PER2: variants seen among roughly 807,000 people sequenced by gnomAD.
PER2 encodes the protein period circadian protein homolog 2.
Under a neutral mutation model 121.0 loss-of-function variants are expected in PER2, and 66 were observed. The ratio of observed to expected loss-of-function variants is 0.55; its 90% confidence interval spans 0.45 to 0.67. The LOEUF (loss-of-function observed/expected upper bound fraction) is 0.67, where lower values mean the gene tolerates loss of function less well. PER2 is among the 30% of genes least tolerant of loss of function. The probability of loss-of-function intolerance (pLI) is 0.00; values close to 1 mark genes in which losing one functional copy is unlikely to be tolerated. For synonymous variants in PER2, 684 were observed against 659.9 expected (o/e 1.04, Z -0.56); for missense variants, 1,521 against 1,635.0 (o/e 0.93, Z 1.20).
In PER2 at chr2:238,253,885, A is replaced by T. The variant is rs1238737914; in HGVS notation, c.2321-183T>A. 6.6e-6 allele frequency among the ~76,000 whole-genome samples: 1 copy of T among 152,216 alleles called. No homozygotes were observed. The highest frequency in any genetic ancestry group is 2.4e-5 in the African/African-American group (1 of 41,444). ...GCAAAACATCAGGTTTTTCCATAAA[A>T]CTAAATTGAATCAACTTAAATTACA... is the stretch of plus-strand genomic sequence containing the variant. On this transcript the variant is annotated intron_variant, in intron 18 of 22. Transcript: ENST00000254657. This position sits in a 1 kb window ranked among gnomAD's most constrained non-coding sequence, Gnocchi z 5.6.
At chr2:238,293,027 C>T (rs1321017226), upstream of PER2, among the ~76,000 whole-genome samples, 2 of 143,054 alleles carry the variant, frequency 1.4e-5, no homozygotes, top group Admixed American at 6.8e-5. Context: ...TGAGACACCC[C>T]TCCCAGCCTT....
intron 4 of PER2, among the ~76,000 whole-genome samples, chr2:238,275,329 G>A (rs933852825): frequency 6.6e-6 from 1 of 152,104 alleles, no homozygotes; most frequent in African/African-American, 2.4e-5. Flanking sequence ...CTGCCTGCTC[G>A]TCACAACAGA....
intron 1 of PER2, among the ~76,000 whole-genome samples, chr2:238,281,656 A>G (rs1696632771): frequency 6.6e-6 from 1 of 152,244 alleles, no homozygotes; most frequent in South Asian, 2.1e-4. Context: ...CAACCTCATT[A>G]GCATCAGGAA....
intron 13 of PER2, 97 bp downstream of exon 13, chr2:238,260,731 C>T: frequency 1.5e-6 from 2 of 1,350,388 alleles, no homozygotes; most frequent in Non-Finnish European, 1.1e-6. Context: ...AATCAGGAAG[C>T]CCCTCCTAAC....
At chr2:238,276,872 G>A (rs1696471333) in intron 3 of PER2, among the ~76,000 whole-genome samples, 1 of 152,152 alleles carries the variant, frequency 6.6e-6, no homozygotes, top group African/African-American at 2.4e-5. Flanking sequence ...AAATGCCCAA[G>A]ACTCAGGCAA....
At chr2:238,263,138 G>T in intron 9 of PER2, 80 bp from the exon 10 acceptor site, 1 of 885,468 alleles carries the variant, frequency 1.1e-6, no homozygotes, top group Non-Finnish European at 1.9e-6. Flanking sequence ...CTTATTCCCT[G>T]GAAAGAGAAG....
At chr2:238,254,750 T>A (rs960442965) in intron 18 of PER2, 1 of 152,162 alleles carries the variant, frequency 6.6e-6, no homozygotes, top group African/African-American at 2.4e-5. Context: ...GGCCATGGAG[T>A]ACACCTTTTT....
chr2:238,295,869 C>T, the PER2 span: 6 of 199,888 alleles, frequency 3.0e-5, no homozygotes, highest in East Asian at 1.8e-4. Context: ...AGAGGAAAAA[C>T]GGGCTCCCTC....
chr2:238,255,361 CAT>C (rs1695728193), intron 18 of PER2: 2 of 498,336 alleles, frequency 4.0e-6, no homozygotes, highest in Non-Finnish European at 3.6e-6. Context: ...CCCCTGCCCA[CAT>C]GGTTACTCAG....
chr2:238,245,684 C>T lies in PER2; in HGVS notation c.*691G>A, dbSNP rs971119082. The T allele has an allele frequency of 1.0e-5, 4 of 398,440 alleles. No homozygotes were observed. Among genetic ancestry groups the T allele is most frequent in the South Asian group, 1.3e-4 (1 of 7,856 alleles). 24.7% of individuals were successfully genotyped at this position (398,440 alleles called of 1,614,324 possible). ...GGGTCTGTCTGCGTGTGCATTCATCCGATGGAGTTGGCCACACAAACCACT... is the reference window on the plus strand; with the variant it reads ...GGGTCTGTCTGCGTGTGCATTCATCTGATGGAGTTGGCCACACAAACCACT... On this transcript the variant is annotated 3_prime_UTR_variant, in exon 23 of 23. Transcript: ENST00000254657.
In PER2 at chr2:238,262,969, A is replaced by G. The variant is rs756924983; in HGVS notation, c.1136T>C (p.Leu379Pro). 25 of 1,611,652 alleles carry G rather than the reference A, an allele frequency of 1.6e-5. No homozygotes were observed. The South Asian group carries it at 2.5e-4, about 16-fold the overall frequency. Reference sequence around the variant, plus strand: ...GGACCTACTCTTTTTGTGGATGGCCAGCATCAAGGGCCTGTCACTAGGGTG... The same window carrying G: ...GGACCTACTCTTTTTGTGGATGGCCGGCATCAAGGGCCTGTCACTAGGGTG... ...QLHPSDRPLMLAIHKKILQSG... is the reference protein window; with the variant it reads ...QLHPSDRPLMPAIHKKILQSG... The change falls in exon 10 of 23, where the codon CTG becomes CCG. Residue 379 changes from leucine to proline, a missense_variant. Physicochemically the swap from Leu to Pro is moderately conservative, Grantham distance 98 (BLOSUM62 -3). Coordinates refer to ENST00000254657, the MANE Select transcript of PER2 (RefSeq NM_022817.3).
the PER2 span, among the ~76,000 whole-genome samples, chr2:238,297,480 C>G: frequency 1.3e-5 from 2 of 152,112 alleles, no homozygotes; most frequent in Non-Finnish European, 2.9e-5. Flanking sequence ...AATGAGATTC[C>G]TAAAGAGCAC....
At chr2:238,272,387 G>A (rs1696316900) in intron 5 of PER2, among the ~76,000 whole-genome samples, 1 of 152,222 alleles carries the variant, frequency 6.6e-6, no homozygotes, top group South Asian at 2.1e-4. Context: ...CTGGGGAGGA[G>A]AGGCCTCTGG....
At chr2:238,259,762 G>A (rs1695870725) in intron 14 of PER2, among the ~76,000 whole-genome samples, 1 of 152,214 alleles carries the variant, frequency 6.6e-6, no homozygotes, top group South Asian at 2.1e-4. Context: ...GCCCAGTGTG[G>A]ACATCAGTGC....
Position 238,252,005 on chromosome 2 carries a change from G to A in PER2, c.3112-244C>T, listed in dbSNP as rs1278635595. On this transcript the variant is annotated intron_variant, in intron 19 of 22. Coordinates refer to ENST00000254657, the MANE Select transcript of PER2 (RefSeq NM_022817.3). The surrounding 1 kb of genome is among the most constrained non-coding windows in gnomAD (Gnocchi z 4.2). ...ACATTTAATTTTCGGAGAGTCACAT[G>A]GAAGACGGCAATACCTGGGCTCCAG... 6.6e-6 allele frequency among the ~76,000 whole-genome samples: 1 copy of A among 152,204 alleles called. No homozygotes were observed. The highest frequency in any genetic ancestry group is 1.5e-5 in the Non-Finnish European group (1 of 68,038).
chr2:238,260,890 G>T lies in PER2; in HGVS notation c.1480C>A (p.Leu494Ile). The T allele has an allele frequency of 6.2e-7, 1 of 1,613,894 alleles. No individual in the cohort carries two copies. Among genetic ancestry groups the T allele is most frequent in the Non-Finnish European group, 8.5e-7 (1 of 1,180,020 alleles). ...TCGCTGGAGGAGGTCTGGCTCATAA[G>T]GTGCTCGTGGGACCCGTTGCTGCCC... ...SLGSNGSHEHLMSQTSSSDSN... is the reference protein window; with the variant it reads ...SLGSNGSHEHIMSQTSSSDSN... Residue 494 changes from leucine (L) to isoleucine (I), a missense_variant, in exon 13 of 23, where the codon CTT becomes ATT. Transcript: ENST00000254657.
At chr2:238,267,131 C>T (rs1574851554) in intron 8 of PER2, among the ~76,000 whole-genome samples, 1 of 151,898 alleles carries the variant, frequency 6.6e-6, no homozygotes, top group Non-Finnish European at 1.5e-5. Context: ...CTGGCTTCCC[C>T]GGGTTCAGCA....
chr2:238,266,060 C>CTAT (rs1696088817), intron 8 of PER2, among the ~76,000 whole-genome samples: 1 of 152,036 alleles, frequency 6.6e-6, no homozygotes, highest in Admixed American at 6.5e-5. Context: ...TGTGCCACCA[C>CTAT]GCCCAGCTAA....
rs1393704814 is a variant in PER2, at chr2:238,249,167, G to A, written c.3513C>T (p.Leu1171=). ...VLKEDREKLK[L]LQKLQPRFTE... ...TGAACCTGGGCTGGAGTTTCTGTAGGAGCTTCAGCTTCTCTCTGTCCTCCT... is the reference window on the plus strand; with the variant it reads ...TGAACCTGGGCTGGAGTTTCTGTAGAAGCTTCAGCTTCTCTCTGTCCTCCT... The change falls in exon 22 of 23, where the codon CTC becomes CTT. Residue 1171 remains leucine, a synonymous_variant. Transcript: ENST00000254657. The A allele has an allele frequency of 8.7e-6, 14 of 1,613,784 alleles. No individual in the cohort carries two copies. Among genetic ancestry groups the A allele is most frequent in the Non-Finnish European group, 1.1e-5 (13 of 1,179,766 alleles).
Sources: gnomAD v4.1 joint callset for allele counts (sites outside exome capture counted in the v4.1 genomes callset) on GRCh38, gnomAD v4.1.1 for gene constraint, Gnocchi (gnomAD v3.1) non-coding constraint, MANE v1.5 for transcripts, NCBI Gene and HGNC (gene_info 2026-07-23, HGNC 2026-07-21) for gene names.